MEF2A: variants seen among roughly 807,000 people sequenced by gnomAD.
The protein encoded by MEF2A is myocyte enhancer factor 2A, also known as myocyte-specific enhancer factor 2A.
A neutral mutation model predicts 55.8 loss-of-function variants in MEF2A; 28 were observed. The ratio of observed to expected loss-of-function variants is 0.50; its 90% CI spans 0.37 to 0.69. The LOEUF (loss-of-function observed/expected upper bound fraction) is 0.69, where lower values mean the gene tolerates loss of function less well. Ranked by LOEUF, MEF2A falls within the 30% of genes least tolerant of loss-of-function variation. The pLI, the probability that MEF2A is intolerant of heterozygous loss-of-function variation, is 0.00. For synonymous variants in MEF2A, 239 were observed against 227.1 expected, an observed-to-expected ratio of 1.05 and a Z score of -0.47; for missense variants, 528 against 626.2, an observed-to-expected ratio of 0.84 and a Z score of 1.67.
intron 2 of MEF2A, among the ~76,000 whole-genome samples, chr15:99,615,908 G>T (rs972269433): frequency 6.6e-6 from 1 of 152,204 alleles, no homozygotes; most frequent in African/African-American, 2.4e-5. Flanking sequence ...AACTGTGGCT[G>T]AGCAAGTAAG....
At chr15:99,696,469 A>G (rs1472719231) in intron 8 of MEF2A, among the ~76,000 whole-genome samples, 3 of 152,198 alleles carry the variant, frequency 2.0e-5, no homozygotes, top group Non-Finnish European at 4.4e-5. Context: ...AAATGGCCAT[A>G]TATTTAGACA....
rs1023154202 is a variant in MEF2A, at chr15:99,674,684, T to C, written c.610+72T>C. 4.9e-5 allele frequency: 62 copies of C among 1,254,772 alleles called. No individual in the cohort carries two copies. The Middle Eastern group carries it at 1.1e-3, about 23-fold the overall frequency. 77.7% of individuals were successfully genotyped at this position (1,254,772 alleles called of 1,614,324 possible). A position where few individuals can be genotyped will look rare whatever the true frequency, so the allele number is the denominator to read the frequency against. ...AAAAATTCATTGCTAACATAAGCAG[T>C]TTCTTATTTTGCTATTCTTTTATTG... On this transcript the variant is annotated intron_variant, in intron 6 of 11. Transcript: ENST00000557942.
chr15:99,597,869 G>A (rs941446130), intron 1 of MEF2A, among the ~76,000 whole-genome samples: 6 of 152,152 alleles, frequency 3.9e-5, no homozygotes, highest in Non-Finnish European at 8.8e-5. Context: ...ACAGCCATCA[G>A]TCTTCTATTC....
At chr15:99,703,509 C>T (rs2057675477) in intron 9 of MEF2A, 124 bp downstream of exon 9, 1 of 835,398 alleles carries the variant, frequency 1.2e-6, no homozygotes, top group East Asian at 2.8e-5. Flanking sequence ...TATTCAAACA[C>T]TTTGAATAAA....
intron 4 of MEF2A, among the ~76,000 whole-genome samples, chr15:99,652,146 T>C (rs1318131224): frequency 1.3e-5 from 2 of 152,026 alleles, no homozygotes; most frequent in East Asian, 1.9e-4. Flanking sequence ...ATCACCAGAG[T>C]TCTTTAAAGC....
At chr15:99,571,652 CA>C (rs2152730773) in intron 1 of MEF2A, among the ~76,000 whole-genome samples, 1 of 152,244 alleles carries the variant, frequency 6.6e-6, no homozygotes. Flanking sequence ...GTTTGATATT[CA>C]CTTGGAAGTC....
chr15:99,642,273 T>C (rs1448634423), intron 3 of MEF2A, among the ~76,000 whole-genome samples: 2 of 152,144 alleles, frequency 1.3e-5, no homozygotes, highest in African/African-American at 4.8e-5. Context: ...TACATGGTAT[T>C]CTTTCTTTGA....
intron 1 of MEF2A, among the ~76,000 whole-genome samples, chr15:99,573,590 CCCT>C (rs1370303862): frequency 6.6e-6 from 1 of 152,186 alleles, no homozygotes; most frequent in Non-Finnish European, 1.5e-5. Flanking sequence ...TAACCAACAT[CCCT>C]TCTGGCCCTA....
intron 8 of MEF2A, among the ~76,000 whole-genome samples, chr15:99,700,762 G>A (rs149960144): frequency 3.9e-5 from 6 of 152,298 alleles, no homozygotes; most frequent in East Asian, 1.9e-4. Context: ...AAGAAAGTGC[G>A]TATCAAAAGT....
At chr15:99,646,679 TTAAAGA>T (rs1193268943) in intron 4 of MEF2A, among the ~76,000 whole-genome samples, 2 of 152,066 alleles carry the variant, frequency 1.3e-5, no homozygotes, top group Non-Finnish European at 2.9e-5. Context: ...ATATTTAAAA[TTAAAGA>T]TAATTTAGCT....
At position 99,687,084 on chromosome 15, in the gene MEF2A, C is replaced by CTTTTTTTT. The variant is rs71149484; in HGVS notation, c.671-3139_671-3132dup. 9.6e-4 allele frequency among the ~76,000 whole-genome samples: 65 copies of CTTTTTTTT among 67,756 alleles called. 2 individuals carry two copies. Among genetic ancestry groups the CTTTTTTTT allele is most frequent in the Admixed American group, 1.3e-3 (6 of 4,446 alleles). 44.5% of individuals were successfully genotyped at this position (67,756 alleles called of 152,430 possible). On this transcript the variant is annotated intron_variant, in intron 7 of 11. Coordinates refer to ENST00000557942, the MANE Select transcript of MEF2A (RefSeq NM_001319206.4). ...ACACCACCATGTCCTATTAATTTTTCTTTTTTTTTTTTTTTTTTTTTTTTT... is the reference window on the plus strand; with the variant it reads ...ACACCACCATGTCCTATTAATTTTTCTTTTTTTTTTTTTTTTTTTTTTTTTTTTTTTTT...
chr15:99,606,496 AC>A (rs1458267311), intron 2 of MEF2A, among the ~76,000 whole-genome samples: 1 of 152,200 alleles, frequency 6.6e-6, no homozygotes, highest in Non-Finnish European at 1.5e-5. Context: ...CAGACAAAAG[AC>A]ATGTATCAGA....
intron 7 of MEF2A, among the ~76,000 whole-genome samples, chr15:99,677,347 T>TA (rs1473048268): frequency 6.6e-6 from 1 of 152,090 alleles, no homozygotes; most frequent in East Asian, 1.9e-4. Flanking sequence ...CAAGGGTATT[T>TA]AAAAAACAAA....
chr15:99,624,441 C>T (rs2041744818), intron 2 of MEF2A, among the ~76,000 whole-genome samples: 1 of 152,126 alleles, frequency 6.6e-6, no homozygotes, highest in African/African-American at 2.4e-5. Flanking sequence ...AAAAGACTGT[C>T]CCGCATTGAA....
At chr15:99,587,585 A>G (rs1479599045) in intron 1 of MEF2A, among the ~76,000 whole-genome samples, 1 of 152,196 alleles carries the variant, frequency 6.6e-6, no homozygotes, top group African/African-American at 2.4e-5. Context: ...AACATGGTAT[A>G]TAATTATTTT....
intron 2 of MEF2A, among the ~76,000 whole-genome samples, chr15:99,617,468 A>G (rs762601520): frequency 2.6e-5 from 4 of 152,174 alleles, no homozygotes; most frequent in Admixed American, 6.6e-5. Context: ...ATTTGACATG[A>G]AAATGACCTA....
At chr15:99,622,702 C>CTTTTTCTT (rs1555461507) in intron 2 of MEF2A, among the ~76,000 whole-genome samples, 3 of 135,700 alleles carry the variant, frequency 2.2e-5, no homozygotes, top group Non-Finnish European at 4.7e-5. Context: ...GTTTTCTTTT[C>CTTTTTCTT]TTTTTTTTTT....
rs546061589 is a variant in MEF2A at position 99,599,646 on chromosome 15, C to A, written c.-143+1135C>A. Among the ~76,000 whole-genome samples the A allele has an allele frequency of 9.2e-5, 14 of 152,184 alleles. No homozygotes were observed. In the South Asian group the frequency reaches 2.7e-3, roughly 29 times the overall value. On this transcript the variant is annotated intron_variant, in intron 2 of 11. Coordinates refer to ENST00000557942, the MANE Select transcript of MEF2A (RefSeq NM_001319206.4). The stretch of plus-strand genomic sequence containing the variant: ...GACTAGGAGAAAAAGGCCTGTTTAT[C>A]CAACTGATGCAAAGTACCTTCAGTT...
At chr15:99,651,846 A>G (rs1348606848) in intron 4 of MEF2A, among the ~76,000 whole-genome samples, 1 of 152,210 alleles carries the variant, frequency 6.6e-6, no homozygotes, top group East Asian at 1.9e-4. Context: ...GGTTCATGTC[A>G]TTGATACACA....
Sources: gnomAD v4.1 joint callset for allele counts (sites outside exome capture counted in the v4.1 genomes callset) on GRCh38, gnomAD v4.1.1 for gene constraint, MANE v1.5 for transcripts, NCBI Gene and HGNC (gene_info 2026-07-23, HGNC 2026-07-21) for gene names.